TMTC2: variants seen among roughly 807,000 people sequenced by gnomAD.
The protein encoded by TMTC2 is protein O-mannosyl-transferase TMTC2.
Under a neutral mutation model 82.4 loss-of-function variants are expected in TMTC2, and 43 were observed. That is an observed-to-expected ratio of 0.52 (90% CI 0.41 to 0.67). The LOEUF (loss-of-function observed/expected upper bound fraction) is 0.67, where lower values mean the gene tolerates loss of function less well. TMTC2 is among the 30% of genes least tolerant of loss of function. The pLI is 0.00. For missense variants in TMTC2, 919 were observed against 1,012.4 expected (o/e 0.91, Z 1.25); for synonymous variants, 408 against 381.9 (o/e 1.07, Z -0.80).
At chr12:82,738,890 G>C (rs955932969) in intron 1 of TMTC2, among the ~76,000 whole-genome samples, 1 of 152,122 alleles carries the variant, frequency 6.6e-6, no homozygotes, top group Non-Finnish European at 1.5e-5. Context: ...GCTCACGTTT[G>C]TAATCCCAGC....
intron 2 of TMTC2, among the ~76,000 whole-genome samples, chr12:82,858,876 A>T (rs2137118154): frequency 6.6e-6 from 1 of 152,248 alleles, no homozygotes. Context: ...TTTCAAAGAG[A>T]TTTAGAGAGA....
chr12:82,962,719 G>A (rs1877997578), intron 4 of TMTC2, among the ~76,000 whole-genome samples: 1 of 151,916 alleles, frequency 6.6e-6, no homozygotes, highest in African/African-American at 2.4e-5. Context: ...ATGTCAGGAG[G>A]GAGATCATTT....
chr12:83,047,572 T>C (rs1323067260), intron 9 of TMTC2, among the ~76,000 whole-genome samples: 1 of 152,206 alleles, frequency 6.6e-6, no homozygotes, highest in Non-Finnish European at 1.5e-5. Flanking sequence ...CTATTGAGAT[T>C]TGTGGCCTGT....
At chr12:82,797,414 T>A (rs2137030937) in intron 1 of TMTC2, among the ~76,000 whole-genome samples, 1 of 152,262 alleles carries the variant, frequency 6.6e-6, no homozygotes, top group African/African-American at 2.4e-5. Context: ...ATAGACTTCC[T>A]TGTTGCTAAA....
intron 2 of TMTC2, among the ~76,000 whole-genome samples, chr12:82,865,007 G>A (rs1592585257): frequency 6.9e-6 from 1 of 145,882 alleles, no homozygotes; most frequent in East Asian, 2.1e-4. Context: ...GAGATCAGGA[G>A]TTTGAGACCA....
chr12:83,005,930 A>T (rs1186603619), intron 8 of TMTC2, among the ~76,000 whole-genome samples: 1 of 152,028 alleles, frequency 6.6e-6, no homozygotes, highest in Non-Finnish European at 1.5e-5. Context: ...AGCATGGAGA[A>T]CCCTTGGATA....
intron 1 of TMTC2, among the ~76,000 whole-genome samples, chr12:82,736,570 G>C (rs375048560): frequency 5.5e-4 from 84 of 152,266 alleles, no homozygotes; most frequent in South Asian, 1.2e-3. Context: ...ATATCAGAAT[G>C]ACTTTTTCAT....
At chr12:82,908,544 A>G (rs1215271883) in intron 3 of TMTC2, among the ~76,000 whole-genome samples, 1 of 152,134 alleles carries the variant, frequency 6.6e-6, no homozygotes, top group Non-Finnish European at 1.5e-5. Flanking sequence ...GGAATTGATT[A>G]TAATGTATTA....
At chr12:82,910,312 A>G (rs1874563250) in intron 3 of TMTC2, among the ~76,000 whole-genome samples, 1 of 152,182 alleles carries the variant, frequency 6.6e-6, no homozygotes, top group Non-Finnish European at 1.5e-5. Context: ...TCCCCCTCAC[A>G]GCGCGTGTGA....
Position 82,896,291 on chromosome 12 carries a change from C to T in TMTC2, c.1128C>T (p.Gly376=). 1 of 1,614,126 alleles carries T rather than the reference C, an allele frequency of 6.2e-7. No homozygotes were observed. The highest frequency in any genetic ancestry group is 8.5e-7 in the Non-Finnish European group (1 of 1,180,022). Residue 376 remains glycine (G), a synonymous_variant, in exon 3 of 12, where the codon GGC becomes GGT. Transcript: ENST00000321196. ...GCTTTGCATCCAAAGTAGAAAATGG[C>T]ATTAAAAACGATGTATCACAGAGAA... is the stretch of plus-strand genomic sequence containing the variant. ...KSSFASKVEN[G]IKNDVSQRTQ...
intron 11 of TMTC2, among the ~76,000 whole-genome samples, chr12:83,130,669 C>T (rs1214328225): frequency 6.6e-6 from 1 of 152,078 alleles, no homozygotes; most frequent in Non-Finnish European, 1.5e-5. Flanking sequence ...ACATAAAAAT[C>T]ACAAACATGT....
rs147708018 is a variant in TMTC2, at chr12:83,012,022, T to G, written c.2071-18776T>G. 2.9e-3 allele frequency among the ~76,000 whole-genome samples: 437 copies of G among 152,274 alleles called. 4 individuals carry two copies. Among genetic ancestry groups the G allele is most frequent in the African/African-American group, 9.8e-3 (407 of 41,566 alleles). The stretch of plus-strand genomic sequence containing the variant: ...GAAGCTTTCAGTCAGGCCGTAACAC[T>G]CACTGACACATCACTGTCCTTCCCT... On this transcript the variant is annotated intron_variant, in intron 8 of 11. Transcript: ENST00000321196.
chr12:82,811,491 A>T lies in TMTC2; in HGVS notation c.84-45519A>T, dbSNP rs545137114. Among the ~76,000 whole-genome samples the T allele has an allele frequency of 5.9e-5, 9 of 152,172 alleles. No individual in the cohort carries two copies. In the East Asian group the frequency reaches 1.4e-3, roughly 23 times the overall value. ...ATTTCTTAAGCCAATATTATGTATA[A>T]ATTCTAAGTAGTGTTGTCACAGAAA... On this transcript the variant is annotated intron_variant, in intron 1 of 11. Coordinates refer to ENST00000321196, the MANE Select transcript of TMTC2 (RefSeq NM_152588.3).
At chr12:83,005,077 G>T (rs538423021) in intron 8 of TMTC2, among the ~76,000 whole-genome samples, 2 of 151,662 alleles carry the variant, frequency 1.3e-5, no homozygotes, top group Admixed American at 6.6e-5. Context: ...GGTGGTGTGC[G>T]CCTGTAATCC....
At chr12:82,947,570 T>G (rs1324299320) in intron 4 of TMTC2, among the ~76,000 whole-genome samples, 1 of 151,646 alleles carries the variant, frequency 6.6e-6, no homozygotes, top group African/African-American at 2.4e-5. Context: ...GACCTGGTGA[T>G]CCGCCTGCCT....
intron 1 of TMTC2, among the ~76,000 whole-genome samples, chr12:82,846,655 T>C (rs1429088822): frequency 6.6e-6 from 1 of 152,146 alleles, no homozygotes; most frequent in Non-Finnish European, 1.5e-5. Context: ...AGAATATTCC[T>C]GTAGTTGGAA....
At chr12:82,931,227 T>A (rs1876012954) in intron 4 of TMTC2, among the ~76,000 whole-genome samples, 1 of 150,502 alleles carries the variant, frequency 6.6e-6, no homozygotes, top group Non-Finnish European at 1.5e-5. Context: ...TAATGATAGA[T>A]TTTGTCTTCC....
intron 1 of TMTC2, among the ~76,000 whole-genome samples, chr12:82,746,716 A>T (rs868033505): frequency 2.0e-4 from 31 of 152,216 alleles, no homozygotes; most frequent in African/African-American, 7.5e-4. Flanking sequence ...CATGACCCAG[A>T]TGGATAAGCA....
At chr12:83,012,590 A>G (rs1357054270) in intron 8 of TMTC2, among the ~76,000 whole-genome samples, 1 of 152,126 alleles carries the variant, frequency 6.6e-6, no homozygotes, top group African/African-American at 2.4e-5. Context: ...AGAAACAATT[A>G]TTTTGGGAAT....
Sources: allele counts gnomAD v4.1 joint callset (sites outside exome capture counted in the v4.1 genomes callset), GRCh38; gene constraint gnomAD v4.1.1; transcripts MANE v1.5; gene names NCBI Gene and HGNC (gene_info 2026-07-23, HGNC 2026-07-21).